Variants in FAM227B observed in about 807,000 individuals in gnomAD.
FAM227B encodes the protein protein FAM227B.
FAM227B carries 88 observed loss-of-function variants against 73.8 expected under a neutral mutation model. That is an observed-to-expected ratio of 1.19 (90% CI 1.00 to 1.42). The LOEUF is 1.42. Among genes scored for constraint, FAM227B ranks in the 40% most tolerant of loss-of-function variants. The probability of loss-of-function intolerance (pLI) is 0.00; values close to 1 mark genes in which losing one functional copy is unlikely to be tolerated. For synonymous variants in FAM227B, 210 were observed against 190.5 expected, an observed-to-expected ratio of 1.10 and a Z score of -0.84; for missense variants, 632 against 590.9, an observed-to-expected ratio of 1.07 and a Z score of -0.72.
At chr15:49,408,519 T>C (rs1054089981) in intron 11 of FAM227B, among the ~76,000 whole-genome samples, 1 of 152,234 alleles carries the variant, frequency 6.6e-6, no homozygotes, top group Non-Finnish European at 1.5e-5. Flanking sequence ...CATATTTTCT[T>C]CCTGGAATTC....
chr15:49,526,942 C>T (rs985378163), intron 10 of FAM227B, among the ~76,000 whole-genome samples: 1 of 151,720 alleles, frequency 6.6e-6, no homozygotes, highest in African/African-American at 2.4e-5. Flanking sequence ...AATTCACAGT[C>T]AAATGTTACC....
At chr15:49,450,182 G>C (rs1017592629) in intron 11 of FAM227B, among the ~76,000 whole-genome samples, 12 of 152,134 alleles carry the variant, frequency 7.9e-5, no homozygotes, top group Admixed American at 1.3e-4. Context: ...TGGCAGAAGA[G>C]TGAATTTAGT....
intron 7 of FAM227B, 105 bp downstream of exon 7, chr15:49,576,636 C>G: frequency 2.9e-6 from 2 of 690,708 alleles, no homozygotes; most frequent in Middle Eastern, 4.1e-4. Context: ...CCCAAAGGAT[C>G]AAATCTTGTT....
At chr15:49,479,599 G>GTTTTTTTTTTTTT (rs56097665) in intron 11 of FAM227B, among the ~76,000 whole-genome samples, 6 of 63,322 alleles carry the variant, frequency 9.5e-5, no homozygotes, top group African/African-American at 3.8e-4. Flanking sequence ...TAATACCTCT[G>GTTTTTTTTTTTTT]TTTTTTTTTT....
intron 13 of FAM227B, among the ~76,000 whole-genome samples, chr15:49,347,146 G>A (rs73396238): frequency 0.17 from 25,595 of 152,124 alleles, 2,414 homozygotes; most frequent in Non-Finnish European, 0.21. Context: ...GTATACTCAG[G>A]AAATTGAGGG....
chr15:49,540,947 T>A (rs954982150), intron 10 of FAM227B, among the ~76,000 whole-genome samples: 7 of 152,156 alleles, frequency 4.6e-5, no homozygotes, highest in Admixed American at 6.5e-5. Context: ...AAAGGCTCCC[T>A]CCATAAAGTA....
rs148545628 is a variant in FAM227B, at chr15:49,575,020, A to G, written c.636T>C (p.His212=). Residue 212 remains histidine (H), a synonymous_variant, in exon 8 of 16, where the codon CAT becomes CAC. Transcript: ENST00000299338. ...TTAAAAATCACTATACCCTAAATTTATGGAGAAACCACCACCAAAAGGAGT... is the reference window on the plus strand; with the variant it reads ...TTAAAAATCACTATACCCTAAATTTGTGGAGAAACCACCACCAAAAGGAGT... ...LHDSFWWWFL[H]KFRPDRENQD... is the part of the protein sequence containing the mutation. 3.0e-3 allele frequency: 4,716 copies of G among 1,576,518 alleles called. 42 individuals are homozygous for G. Among genetic ancestry groups the G allele is most frequent in the Non-Finnish European group, 3.0e-3 (3,419 of 1,158,232 alleles).
intron 7 of FAM227B, 139 bp from the exon 8 acceptor site, chr15:49,575,248 A>G (rs1026353491): frequency 2.5e-6 from 1 of 405,702 alleles, no homozygotes; most frequent in Non-Finnish European, 4.5e-6. Flanking sequence ...CATGAGCCAC[A>G]TACATAATGT....
chr15:49,389,688 G>T (rs780017824), intron 11 of FAM227B, among the ~76,000 whole-genome samples: 26 of 151,760 alleles, frequency 1.7e-4, no homozygotes, highest in Non-Finnish European at 3.5e-4. Flanking sequence ...TTTCTTAAGG[G>T]ATATAAATGC....
intron 11 of FAM227B, among the ~76,000 whole-genome samples, chr15:49,429,204 C>T (rs1446150560): frequency 6.6e-6 from 1 of 151,924 alleles, no homozygotes; most frequent in Non-Finnish European, 1.5e-5. Flanking sequence ...TCTACGCAGT[C>T]GAACCAAAAT....
intron 11 of FAM227B, among the ~76,000 whole-genome samples, chr15:49,460,361 T>C (rs62012206): frequency 1.3e-5 from 2 of 152,194 alleles, no homozygotes; most frequent in African/African-American, 2.4e-5. Flanking sequence ...AGTTTGATTT[T>C]AGTGGAATGA....
At chr15:49,551,872 A>T (rs371421582) in intron 9 of FAM227B, among the ~76,000 whole-genome samples, 15 of 152,322 alleles carry the variant, frequency 9.8e-5, no homozygotes, top group African/African-American at 3.4e-4. Context: ...TAAAAACTCA[A>T]TGGTTTAAAT....
At chr15:49,341,552 A>G (rs1188804659) in intron 13 of FAM227B, among the ~76,000 whole-genome samples, 2 of 152,116 alleles carry the variant, frequency 1.3e-5, no homozygotes, top group East Asian at 1.9e-4. Flanking sequence ...AGGTTTCACC[A>G]TGTTGCCCAG....
chr15:49,347,603 C>G (rs2041690046), intron 13 of FAM227B, among the ~76,000 whole-genome samples: 1 of 152,068 alleles, frequency 6.6e-6, no homozygotes, highest in South Asian at 2.1e-4. Flanking sequence ...TATCTAGGTG[C>G]AGTTGAGTTA....
chr15:49,378,887 G>C (rs1045267031), intron 11 of FAM227B, among the ~76,000 whole-genome samples: 2 of 151,842 alleles, frequency 1.3e-5, no homozygotes, highest in African/African-American at 4.8e-5. Flanking sequence ...CTAGATCTTA[G>C]AGCTTTTAGT....
intron 11 of FAM227B, among the ~76,000 whole-genome samples, chr15:49,504,235 T>A (rs1015356383): frequency 2.2e-5 from 3 of 134,878 alleles, no homozygotes; most frequent in African/African-American, 8.6e-5. Context: ...ATGAGAACAC[T>A]TGGACACAGG....
chr15:49,454,901 A>C (rs2053133955), intron 11 of FAM227B, among the ~76,000 whole-genome samples: 1 of 152,008 alleles, frequency 6.6e-6, no homozygotes, highest in African/African-American at 2.4e-5. Flanking sequence ...GAGCCACTGG[A>C]CCCAGCCATA....
chr15:49,370,336 C>G (rs112658651), intron 12 of FAM227B, among the ~76,000 whole-genome samples: 1 of 152,158 alleles, frequency 6.6e-6, no homozygotes, highest in East Asian at 1.9e-4. Context: ...AAACAAAGTA[C>G]GAGAGACCAT....
intron 13 of FAM227B, among the ~76,000 whole-genome samples, chr15:49,356,209 C>G (rs1479409113): frequency 2.0e-5 from 3 of 151,906 alleles, no homozygotes; most frequent in Admixed American, 6.6e-5. Flanking sequence ...CAGCTAACAT[C>G]ATAATGACAG....
Sources: allele counts gnomAD v4.1 joint callset (sites outside exome capture counted in the v4.1 genomes callset), GRCh38; gene constraint gnomAD v4.1.1; transcripts MANE v1.5; gene names NCBI Gene and HGNC (gene_info 2026-07-23, HGNC 2026-07-21).